Variants in CNTNAP2 observed in about 807,000 individuals in gnomAD.
CNTNAP2 encodes contactin associated protein 2.
Under a neutral mutation model 155.2 loss-of-function variants are expected in CNTNAP2, and 98 were observed. The ratio of observed to expected loss-of-function variants is 0.63; its 90% CI spans 0.54 to 0.75. CNTNAP2 has a LOEUF of 0.75. Among genes scored for constraint, CNTNAP2 ranks in the 30% least tolerant of loss-of-function variants. The pLI is 0.00. For synonymous variants in CNTNAP2, 651 were observed against 631.2 expected (o/e 1.03, Z -0.47); for missense variants, 1,727 against 1,688.1 (o/e 1.02, Z -0.40).
At chr7:147,453,100 C>T (rs1012726550) in intron 10 of CNTNAP2, among the ~76,000 whole-genome samples, 1 of 152,134 alleles carries the variant, frequency 6.6e-6, no homozygotes, top group African/African-American at 2.4e-5. Flanking sequence ...AGGCATACTC[C>T]TTGCCCTCTT....
rs1289869464 is a variant in CNTNAP2, at chr7:148,023,135, T to C, written c.2383+45146T>C. On this transcript the variant is annotated intron_variant, in intron 15 of 23. Coordinates refer to ENST00000361727, the MANE Select transcript of CNTNAP2 (RefSeq NM_014141.6). ...ATTCTGAATTAAACCGCAGCTCCCA[T>C]AGGTCCTCTGAAATTACCCGTTTCC... Among the ~76,000 whole-genome samples the C allele has an allele frequency of 2.6e-5, 4 of 152,128 alleles. No individual in the cohort carries two copies. The South Asian group carries it at 6.2e-4, about 24-fold the overall frequency.
intron 8 of CNTNAP2, among the ~76,000 whole-genome samples, chr7:147,252,286 C>T (rs1042419989): frequency 2.6e-5 from 4 of 152,132 alleles, no homozygotes; most frequent in African/African-American, 9.7e-5. Flanking sequence ...CTGAGTGGAT[C>T]TTCCCAGAAA....
intron 11 of CNTNAP2, among the ~76,000 whole-genome samples, chr7:147,522,581 G>A (rs1013633004): frequency 2.0e-5 from 3 of 151,860 alleles, no homozygotes; most frequent in Non-Finnish European, 2.9e-5. Flanking sequence ...CAGTAAAATG[G>A]TAGAAACAAA....
chr7:148,338,596 C>A (rs1563049411), intron 21 of CNTNAP2, among the ~76,000 whole-genome samples: 1 of 151,984 alleles, frequency 6.6e-6, no homozygotes, highest in Non-Finnish European at 1.5e-5. Context: ...AACCAGGAGG[C>A]AGAGCAAGGT....
intron 13 of CNTNAP2, among the ~76,000 whole-genome samples, chr7:147,857,692 T>C (rs986048529): frequency 6.6e-6 from 1 of 152,190 alleles, no homozygotes; most frequent in Non-Finnish European, 1.5e-5. Flanking sequence ...TATTTGCCTC[T>C]AAGAAGTACA....
intron 2 of CNTNAP2, among the ~76,000 whole-genome samples, chr7:146,839,391 A>G (rs1803676619): frequency 6.6e-6 from 1 of 152,184 alleles, no homozygotes; most frequent in Admixed American, 6.5e-5. Flanking sequence ...TTTTAGCTGA[A>G]GAGTTTATGG....
chr7:147,762,794 GAGGAAGGGA>G (rs149381109), intron 13 of CNTNAP2, among the ~76,000 whole-genome samples: 1 of 147,028 alleles, frequency 6.8e-6, no homozygotes. Flanking sequence ...AGGGGAAGAG[GAGGAAGGGA>G]AGGAAGGGAA....
intron 1 of CNTNAP2, among the ~76,000 whole-genome samples, chr7:146,612,331 G>A (rs1163310104): frequency 1.3e-5 from 2 of 152,128 alleles, no homozygotes; most frequent in Admixed American, 1.3e-4. Context: ...AGGTGAGAAT[G>A]ACAAGAAGAT....
rs561217295 is a variant in CNTNAP2, at chr7:147,790,717, G to T, written c.2099-112848G>T. The stretch of plus-strand genomic sequence containing the variant: ...CTTATCCATCTCATGGTTGACTGTA[G>T]TTTACTATTTAATAACTTTTTAAAG... On this transcript the variant is annotated intron_variant, in intron 13 of 23. Transcript: ENST00000361727. Among the ~76,000 whole-genome samples, 115 of 152,286 alleles carry T rather than the reference G, an allele frequency of 7.6e-4. 1 individual carries two copies. In the South Asian group the frequency reaches 0.023, roughly 30 times the overall value.
chr7:146,912,721 T>C (rs1456664001), intron 3 of CNTNAP2, among the ~76,000 whole-genome samples: 5 of 152,170 alleles, frequency 3.3e-5, no homozygotes. Context: ...TCAAACATTA[T>C]TTTTCTAGAC....
intron 1 of CNTNAP2, among the ~76,000 whole-genome samples, chr7:146,373,618 C>T (rs954976545): frequency 6.6e-6 from 1 of 151,434 alleles, no homozygotes. Flanking sequence ...CTCAAAGCGT[C>T]CAAAATCCTA....
intron 15 of CNTNAP2, among the ~76,000 whole-genome samples, chr7:148,109,765 A>G (rs184402487): frequency 3.5e-4 from 53 of 152,340 alleles, no homozygotes; most frequent in Admixed American, 1.2e-3. Context: ...CATACCTTGT[A>G]AGCTATATGT....
chr7:147,215,584 C>A (rs866022057), intron 8 of CNTNAP2, among the ~76,000 whole-genome samples: 1 of 152,128 alleles, frequency 6.6e-6, no homozygotes, highest in African/African-American at 2.4e-5. Flanking sequence ...TTTATCCATT[C>A]ACCTACTGCA....
At chr7:147,383,633 G>A (rs929726314) in intron 9 of CNTNAP2, among the ~76,000 whole-genome samples, 6 of 152,188 alleles carry the variant, frequency 3.9e-5, no homozygotes, top group Non-Finnish European at 8.8e-5. Flanking sequence ...TGGGGAGCAA[G>A]GGGAGGGGAG....
chr7:146,242,299 G>A (rs1223230058), intron 1 of CNTNAP2, among the ~76,000 whole-genome samples: 1 of 152,088 alleles, frequency 6.6e-6, no homozygotes, highest in Non-Finnish European at 1.5e-5. Flanking sequence ...CAGCACTTTG[G>A]GAGGCTGAGG....
intron 11 of CNTNAP2, among the ~76,000 whole-genome samples, chr7:147,538,644 T>C (rs1214550498): frequency 6.6e-6 from 1 of 151,992 alleles, no homozygotes; most frequent in Non-Finnish European, 1.5e-5. Flanking sequence ...AGTGAGATTA[T>C]ATATATAAAA....
chr7:147,304,235 C>A (rs1295534722), intron 9 of CNTNAP2, among the ~76,000 whole-genome samples: 2 of 151,966 alleles, frequency 1.3e-5, no homozygotes, highest in African/African-American at 4.8e-5. Flanking sequence ...TGGGGATAAG[C>A]AGACAAAGAG....
chr7:147,781,805 C>CCT, intron 13 of CNTNAP2, among the ~76,000 whole-genome samples: 1 of 152,196 alleles, frequency 6.6e-6, no homozygotes, highest in East Asian at 1.9e-4. Flanking sequence ...GGGCGGATCA[C>CCT]GAGGTCAGGA....
rs146182648 is a variant in CNTNAP2, at chr7:146,290,296, C to T, written c.97+173323C>T. ...CTTAGATGTCATCCAGTTGAGTTCT[C>T]CTACTTGAGCATGAATCCCGTCTTA... On this transcript the variant is annotated intron_variant, in intron 1 of 23. Transcript: ENST00000361727. 4.3e-3 allele frequency among the ~76,000 whole-genome samples: 649 copies of T among 152,260 alleles called. 5 individuals are homozygous for T. Among genetic ancestry groups the T allele is most frequent in the Admixed American group, 6.7e-3 (103 of 15,302 alleles).
Sources: allele counts gnomAD v4.1 joint callset (sites outside exome capture counted in the v4.1 genomes callset), GRCh38; gene constraint gnomAD v4.1.1; transcripts MANE v1.5; gene names NCBI Gene and HGNC (gene_info 2026-07-23, HGNC 2026-07-21).